Variants in CFI observed in about 807,000 individuals in gnomAD.
The protein encoded by CFI is C3B/C4B inactivator.
Under a neutral mutation model 78.8 loss-of-function variants are expected in CFI, and 66 were observed. That is an observed-to-expected ratio of 0.84 (90% confidence interval 0.69 to 1.03). The LOEUF is 1.03. Among genes scored for constraint, CFI ranks in the 50% least tolerant of loss-of-function variants. The pLI is 0.00. For missense variants in CFI, 706 were observed against 704.5 expected (o/e 1.00, Z -0.02); for synonymous variants, 250 against 232.6 (o/e 1.07, Z -0.68).
intron 1 of CFI, among the ~76,000 whole-genome samples, chr4:109,799,157 T>C (rs1053888239): frequency 6.6e-6 from 1 of 152,158 alleles, no homozygotes; most frequent in Non-Finnish European, 1.5e-5. Flanking sequence ...CACTTTTGAA[T>C]GCCCTAATTT....
At chr4:109,780,341 T>G (rs938163082) in intron 1 of CFI, among the ~76,000 whole-genome samples, 1 of 152,166 alleles carries the variant, frequency 6.6e-6, no homozygotes, top group Admixed American at 6.6e-5. Flanking sequence ...TCGAAGGATA[T>G]GAAGAGACAC....
chr4:109,772,539 T>G (rs1728730455), intron 1 of CFI, among the ~76,000 whole-genome samples: 1 of 152,100 alleles, frequency 6.6e-6, no homozygotes, highest in Admixed American at 6.6e-5. Flanking sequence ...ACTACTATTA[T>G]GTGTGTTTTT....
At chr4:109,760,066 A>C (rs1726836603) in intron 6 of CFI, 1 of 690,546 alleles carries the variant, frequency 1.4e-6, no homozygotes, top group Non-Finnish European at 2.6e-6. Flanking sequence ...CCGTCTTTTA[A>C]TAGAAAGTTC....
intron 1 of CFI, among the ~76,000 whole-genome samples, chr4:109,786,620 C>A (rs1036391086): frequency 8.6e-5 from 13 of 152,014 alleles, no homozygotes; most frequent in African/African-American, 3.1e-4. Context: ...GAAAAGTCCA[C>A]CCCTTTCCCT....
At chr4:109,733,506 G>A in the CFI span, among the ~76,000 whole-genome samples, 1 of 152,178 alleles carries the variant, frequency 6.6e-6, no homozygotes, top group African/African-American at 2.4e-5. Context: ...AAGATAGGAA[G>A]TCAGTTATGA....
chr4:109,782,027 T>C (rs1730112782), intron 1 of CFI, among the ~76,000 whole-genome samples: 1 of 152,090 alleles, frequency 6.6e-6, no homozygotes, highest in Admixed American at 6.6e-5. Flanking sequence ...ATAAAAGCTA[T>C]CTATGACAAA....
At chr4:109,779,772 G>A (rs909618384) in intron 1 of CFI, among the ~76,000 whole-genome samples, 1 of 152,066 alleles carries the variant, frequency 6.6e-6, no homozygotes, top group Non-Finnish European at 1.5e-5. Context: ...CACAGTACTG[G>A]TACCAAAACA....
At chr4:109,779,833 A>G (rs1729760701) in intron 1 of CFI, among the ~76,000 whole-genome samples, 1 of 152,160 alleles carries the variant, frequency 6.6e-6, no homozygotes, top group African/African-American at 2.4e-5. Flanking sequence ...AATACTACAC[A>G]TCAACAACCA....
At chr4:109,782,697 C>CA (rs1473888196) in intron 1 of CFI, among the ~76,000 whole-genome samples, 1 of 151,604 alleles carries the variant, frequency 6.6e-6, no homozygotes, top group African/African-American at 2.4e-5. Flanking sequence ...CATATGGAAC[C>CA]AAAAAAAGAG....
Position 109,790,256 on chromosome 4 carries a change from G to A in CFI, c.57+11659C>T, listed in dbSNP as rs78475623. Among the ~76,000 whole-genome samples, 1,748 of 151,816 alleles carry A rather than the reference G, an allele frequency of 0.012. 88 individuals are homozygous for A. The East Asian group carries it at 0.13, about 11-fold the overall frequency. On this transcript the variant is annotated intron_variant, in intron 1 of 12. Transcript: ENST00000394634. The stretch of plus-strand genomic sequence containing the variant: ...AATTTTGTGGCTATTTCCAAAGAAC[G>A]AACTTGTGATTTCATTGATTCTATT...
intron 12 of CFI, 129 bp from the exon 13 acceptor site, chr4:109,741,239 C>G: frequency 6.6e-7 from 1 of 1,521,334 alleles, no homozygotes; most frequent in Non-Finnish European, 8.7e-7. Flanking sequence ...ATGGGCTCTC[C>G]TTAGAGTCCC....
At chr4:109,777,396 T>C (rs1222979116) in intron 1 of CFI, among the ~76,000 whole-genome samples, 1 of 152,166 alleles carries the variant, frequency 6.6e-6, no homozygotes, top group Non-Finnish European at 1.5e-5. Flanking sequence ...AGTCATTACA[T>C]ATTGGTAAAG....
At position 109,782,762 on chromosome 4, in the gene CFI, T is replaced by C. The variant is rs184732266; in HGVS notation, c.58-15938A>G. On this transcript the variant is annotated intron_variant, in intron 1 of 12. Coordinates refer to ENST00000394634, the MANE Select transcript of CFI (RefSeq NM_000204.5). Reference sequence around the variant, plus strand: ...AAGAGCAAATCTGGAAGCATCACACTACCTGATTTCAAACTATACTATAAG... The same window carrying C: ...AAGAGCAAATCTGGAAGCATCACACCACCTGATTTCAAACTATACTATAAG... 2.2e-3 allele frequency among the ~76,000 whole-genome samples: 334 copies of C among 152,204 alleles called. 1 individual carries two copies. The highest frequency in any genetic ancestry group is 7.4e-3 in the African/African-American group (308 of 41,542).
chr4:109,760,239 G>A (rs1561301123), intron 6 of CFI, 31 bp downstream of exon 6: 1 of 1,500,342 alleles, frequency 6.7e-7, no homozygotes, highest in South Asian at 1.1e-5. Flanking sequence ...ATTCAATAAT[G>A]AAAAAAAGTC....
intron 7 of CFI, among the ~76,000 whole-genome samples, chr4:109,756,905 G>GAAAGAAAGAAAGAAAGAAAGAAA (rs1726279125): frequency 1.8e-5 from 1 of 56,400 alleles, no homozygotes; most frequent in African/African-American, 6.4e-5. Flanking sequence ...AAGAAAGAAA[G>GAAAGAAAGAAAGAAAGAAAGAAA]AAAGAAAGAA....
chr4:109,761,987 C>T (rs967548583), intron 3 of CFI: 9 of 358,310 alleles, frequency 2.5e-5, no homozygotes, highest in African/African-American at 4.2e-5. Context: ...GTCAAGAGTT[C>T]GAGACCAGCC....
downstream of CFI, among the ~76,000 whole-genome samples, chr4:109,737,962 A>G (rs1396023364): frequency 6.6e-6 from 1 of 152,024 alleles, no homozygotes; most frequent in African/African-American, 2.4e-5. Flanking sequence ...TTCACCCTTC[A>G]AGGCTTGACC....
chr4:109,765,889 CG>C (rs1279317467), intron 2 of CFI, among the ~76,000 whole-genome samples: 1 of 151,984 alleles, frequency 6.6e-6, no homozygotes, highest in Admixed American at 6.6e-5. Context: ...GAGGCCGAGG[CG>C]GGCGGATCAC....
intron 1 of CFI, among the ~76,000 whole-genome samples, chr4:109,771,954 G>A (rs1267508200): frequency 6.6e-6 from 1 of 152,122 alleles, no homozygotes; most frequent in Non-Finnish European, 1.5e-5. Context: ...CAAGGTTGAG[G>A]AGGGGATAGG....
Sources: allele counts gnomAD v4.1 joint callset (sites outside exome capture counted in the v4.1 genomes callset), GRCh38; gene constraint gnomAD v4.1.1; transcripts MANE v1.5; gene names NCBI Gene and HGNC (gene_info 2026-07-23, HGNC 2026-07-21).